PTGER3: variants seen among roughly 807,000 people sequenced by gnomAD.
The protein encoded by PTGER3 is prostaglandin E receptor 3, also known as prostaglandin E2 receptor EP3 subtype.
A neutral mutation model predicts 34.7 loss-of-function variants in PTGER3; 22 were observed. The observed-to-expected ratio is 0.63, with a 90% CI of 0.45 to 0.91. PTGER3 has a LOEUF of 0.91. Among genes scored for constraint, PTGER3 ranks in the 40% least tolerant of loss-of-function variants. The pLI is 0.00. For missense variants in PTGER3, 468 were observed against 519.4 expected, an observed-to-expected ratio of 0.90 and a Z score of 0.96; for synonymous variants, 241 against 230.1, an observed-to-expected ratio of 1.05 and a Z score of -0.43.
At chr1:70,952,928 G>A in exon 4 of PTGER3, 2 of 1,610,800 alleles carry the variant, frequency 1.2e-6, no homozygotes, top group African/African-American at 1.3e-5. Context: ...TTACTGTTGA[G>A]ATTCTGGTGT....
intron 2 of PTGER3, among the ~76,000 whole-genome samples, chr1:70,954,901 ATTGTCATGTTTTCTGG>A (rs1410959404): frequency 6.6e-6 from 1 of 152,100 alleles, no homozygotes; most frequent in Non-Finnish European, 1.5e-5. Flanking sequence ...GGTATTCTAT[ATTGTCATGTTTTCTGG>A]CTAAAATAAT....
intron 4 of PTGER3, among the ~76,000 whole-genome samples, chr1:70,935,672 A>AATATATAT (rs10577850): frequency 0.021 from 2,898 of 140,158 alleles, 52 homozygotes; most frequent in Middle Eastern, 0.03. Flanking sequence ...TACAAATATA[A>AATATATAT]ATATATATAT....
At chr1:70,996,233 T>C (rs1445259821) in intron 2 of PTGER3, among the ~76,000 whole-genome samples, 1 of 152,140 alleles carries the variant, frequency 6.6e-6, no homozygotes, top group Non-Finnish European at 1.5e-5. Flanking sequence ...AAAAGAGATG[T>C]AACTCTTTCT....
chr1:70,973,192 TATAGATAGATGATAGATAG>T (rs1297128549), intron 3 of PTGER3, among the ~76,000 whole-genome samples: 20 of 148,694 alleles, frequency 1.3e-4, no homozygotes, highest in South Asian at 4.4e-4. Context: ...GATACATAGA[TATAGATAGATGATAGATAG>T]ATAGATAGAT....
intron 2 of PTGER3, chr1:71,005,767 A>C (rs1312805037): frequency 1.4e-6 from 1 of 729,166 alleles, no homozygotes; most frequent in Non-Finnish European, 1.7e-6. Context: ...CCCTCTGAGG[A>C]CATGAAACTG....
chr1:70,998,974 G>T (rs144079038), intron 2 of PTGER3, among the ~76,000 whole-genome samples: 71 of 152,278 alleles, frequency 4.7e-4, no homozygotes, highest in African/African-American at 1.7e-3. Flanking sequence ...GAGGTCAGGA[G>T]ATCGAGACCA....
chr1:70,912,845 C>A (rs1364180818), intron 4 of PTGER3, among the ~76,000 whole-genome samples: 1 of 151,932 alleles, frequency 6.6e-6, no homozygotes, highest in Non-Finnish European at 1.5e-5. Context: ...TATTCAGTTT[C>A]ATTGATCTAT....
chr1:70,939,628 A>T (rs1226826036), intron 4 of PTGER3, among the ~76,000 whole-genome samples: 7 of 152,372 alleles, frequency 4.6e-5, no homozygotes, highest in Non-Finnish European at 8.8e-5. Context: ...GTGCACCCAC[A>T]GGCTCAACAC....
At chr1:70,888,163 C>T (rs17131477) in intron 4 of PTGER3, among the ~76,000 whole-genome samples, 5,009 of 152,198 alleles carry the variant, frequency 0.033, 297 homozygotes, top group African/African-American at 0.12. Context: ...TCTTAGCAGA[C>T]GTAGCAGTCA....
chr1:71,015,698 T>G (rs1657832319), intron 1 of PTGER3, among the ~76,000 whole-genome samples: 1 of 152,122 alleles, frequency 6.6e-6, no homozygotes, highest in African/African-American at 2.4e-5. Flanking sequence ...ATACTCAATT[T>G]TATTTCAAAA....
chr1:70,914,022 T>C (rs1385403612), intron 4 of PTGER3, among the ~76,000 whole-genome samples: 1 of 151,886 alleles, frequency 6.6e-6, no homozygotes, highest in East Asian at 1.9e-4. Context: ...AAGTATTCTA[T>C]GGTCTTCAAT....
rs570588838 is a variant in PTGER3, at chr1:70,956,284, A to G, written c.1078-2495T>C. The stretch of plus-strand genomic sequence containing the variant: ...TTGTCCAGCTGTGTACCAGATTAGT[A>G]TCAGCCAGGTGTTTGTCAAATACCA... On this transcript the variant is annotated intron_variant, in intron 2 of 3. Coordinates refer to the PTGER3 transcript ENST00000356595. Among the ~76,000 whole-genome samples, 106 of 152,310 alleles carry G rather than the reference A, an allele frequency of 7.0e-4. 1 individual carries two copies. The highest frequency in any genetic ancestry group is 2.5e-3 in the African/African-American group (104 of 41,568).
rs747177512 is a variant in PTGER3 at position 70,911,222 on chromosome 1, G to T, written c.*23+42541C>A. On this transcript the variant is annotated intron_variant, in intron 4 of 4. Coordinates refer to the PTGER3 transcript ENST00000370931. ...AGTATCACACTGGTAGACCCGCAGAGAGACAAGCAAACATACTAGATTGGA... is the reference window on the plus strand; with the variant it reads ...AGTATCACACTGGTAGACCCGCAGATAGACAAGCAAACATACTAGATTGGA... Among the ~76,000 whole-genome samples the T allele has an allele frequency of 3.0e-4, 45 of 150,834 alleles. 1 individual carries two copies. Among genetic ancestry groups the T allele is most frequent in the Non-Finnish European group, 1.3e-4 (9 of 67,824 alleles).
At chr1:70,981,991 G>T (rs555945215) in intron 2 of PTGER3, among the ~76,000 whole-genome samples, 33 of 152,232 alleles carry the variant, frequency 2.2e-4, no homozygotes, top group African/African-American at 7.7e-4. Context: ...TCAAGGGCAA[G>T]TTCAAATTCC....
chr1:70,935,672 A>AATATATATAT lies in PTGER3; in HGVS notation c.*23+18081_*23+18090dup, dbSNP rs10577850. Among the ~76,000 whole-genome samples the AATATATATAT allele has an allele frequency of 8.4e-3, 1,183 of 140,178 alleles. 16 individuals carry two copies. Among genetic ancestry groups the AATATATATAT allele is most frequent in the African/African-American group, 0.027 (989 of 36,394 alleles). 92.0% of individuals were successfully genotyped at this position (140,178 alleles called of 152,430 possible). On this transcript the variant is annotated intron_variant, in intron 4 of 4. Transcript: ENST00000370931. ...TGTTGGTACTAAGGATACAAATATA[A>AATATATATAT]ATATATATATATATATATATATGTT... is the stretch of plus-strand genomic sequence containing the variant.
chr1:71,029,254 T>C (rs1659196967), intron 1 of PTGER3, among the ~76,000 whole-genome samples: 1 of 152,200 alleles, frequency 6.6e-6, no homozygotes, highest in South Asian at 2.1e-4. Flanking sequence ...CCAGGAAGAT[T>C]TATTGAAAAA....
intron 4 of PTGER3, chr1:70,862,377 G>T: frequency 7.3e-7 from 1 of 1,366,734 alleles, no homozygotes; most frequent in Non-Finnish European, 9.8e-7. Context: ...CATCAGCTTA[G>T]CTGGACACTG....
At chr1:70,944,570 G>A (rs1650047899) in intron 4 of PTGER3, among the ~76,000 whole-genome samples, 2 of 152,046 alleles carry the variant, frequency 1.3e-5, no homozygotes, top group Admixed American at 1.3e-4. Flanking sequence ...TTTTGGTGTT[G>A]TTTGAAACAA....
In PTGER3 at chr1:71,047,362, G is replaced by C. The variant is rs776441212; in HGVS notation, c.216C>G (p.Leu72=). 5 of 1,610,272 alleles carry C rather than the reference G, an allele frequency of 3.1e-6. No homozygotes were observed. Among genetic ancestry groups the C allele is most frequent in the Middle Eastern group, 1.7e-4 (1 of 6,058 alleles). Residue 72 remains leucine (L), a synonymous_variant, in exon 1 of 4, where the codon CTC becomes CTG. Coordinates refer to ENST00000306666, the MANE Select transcript of PTGER3 (RefSeq NM_198719.2). ...CCCGGCGCCGGTAGCTGCGCGACAC[G>C]AGCAGCATGGCCAGTGCGTTGCCCA... ...GFVGNALAML[L]VSRSYRRRES...
Sources: allele counts gnomAD v4.1 joint callset (sites outside exome capture counted in the v4.1 genomes callset), GRCh38; gene constraint gnomAD v4.1.1; transcripts MANE v1.5; gene names NCBI Gene and HGNC (gene_info 2026-07-23, HGNC 2026-07-21).